ADCY5: variants seen among roughly 807,000 people sequenced by gnomAD.
ADCY5 encodes adenylate cyclase type 5.
Under a neutral mutation model 119.7 loss-of-function variants are expected in ADCY5, and 30 were observed. The observed-to-expected ratio is 0.25, with a 90% CI of 0.19 to 0.34. The LOEUF (loss-of-function observed/expected upper bound fraction) is 0.34. ADCY5 is among the 10% of genes least tolerant of loss of function. ADCY5 has a pLI of 1.00. For synonymous variants in ADCY5, 753 were observed against 762.2 expected (o/e 0.99, Z 0.20); for missense variants, 1,324 against 1,775.2 (o/e 0.75, Z 4.57).
intron 1 of ADCY5, among the ~76,000 whole-genome samples, chr3:123,406,639 A>G (rs1457502958): frequency 6.6e-6 from 1 of 152,102 alleles, no homozygotes; most frequent in Admixed American, 6.5e-5. Flanking sequence ...ACTCAAGGTT[A>G]TTCCCTTTCC....
In ADCY5 at chr3:123,448,131, AGCCGCC is replaced by A; in HGVS notation, c.409_414del (p.Gly137_Gly138del). On this transcript the variant is annotated inframe_deletion, in exon 1 of 21. Coordinates refer to ENST00000462833, the MANE Select transcript of ADCY5 (RefSeq NM_183357.3). ...CCCGCCGAGGCAGCCGCCGCCGCCG[AGCCGCC>A]GCCGCCGCCCGCAGGGGGCGCCCGG... 3.9e-6 allele frequency: 4 copies of A among 1,032,980 alleles called. No homozygotes were observed. The highest frequency in any genetic ancestry group is 4.6e-6 in the Non-Finnish European group (4 of 866,760). The allele number at this position is 1,032,980 out of a possible 1,614,324, so 64.0% of individuals were successfully genotyped here. A position where few individuals can be genotyped will look rare whatever the true frequency, so the allele number is the denominator to read the frequency against.
intron 16 of ADCY5, chr3:123,297,022 A>C: frequency 6.5e-7 from 1 of 1,535,976 alleles, no homozygotes; most frequent in Non-Finnish European, 8.7e-7. Flanking sequence ...ACCAGCTTCC[A>C]TTCTCCTGTG....
rs573085101 is a variant in ADCY5, at chr3:123,365,445, G to A, written c.1135-12864C>T. On this transcript the variant is annotated intron_variant, in intron 1 of 20. Coordinates refer to ENST00000462833, the MANE Select transcript of ADCY5 (RefSeq NM_183357.3). ...AGAGGGCTGTGGAAATAGCACAGACGAGAAGCACCAAGGGCCTGGGAGAGG... is the reference window on the plus strand; with the variant it reads ...AGAGGGCTGTGGAAATAGCACAGACAAGAAGCACCAAGGGCCTGGGAGAGG... Among the ~76,000 whole-genome samples, 5 of 152,322 alleles carry A rather than the reference G, an allele frequency of 3.3e-5. No individual in the cohort carries two copies. In the South Asian group the frequency reaches 8.3e-4, roughly 25 times the overall value.
At chr3:123,365,236 C>T (rs569087388) in intron 1 of ADCY5, among the ~76,000 whole-genome samples, 1 of 152,328 alleles carries the variant, frequency 6.6e-6, no homozygotes, top group South Asian at 2.1e-4. Flanking sequence ...GGATTACAGG[C>T]GTAAGCCACC....
intron 1 of ADCY5, among the ~76,000 whole-genome samples, chr3:123,394,727 T>C (rs1303937805): frequency 6.6e-6 from 1 of 152,176 alleles, no homozygotes. Flanking sequence ...AAACACCCAG[T>C]TGGACCTCTC....
rs1194883171 is a variant in ADCY5 at position 123,300,261 on chromosome 3, G to A, written c.2759C>T (p.Ala920Val). The change falls in exon 15 of 21, where the codon GCC becomes GTC. Residue 920 changes from alanine (A) to valine (V), a missense_variant. By Grantham distance (64) the Ala-to-Val change is moderately conservative. This residue lies in a region of ADCY5 where 424 missense variants were observed against 546.8 expected (regional missense o/e 0.78). Transcript: ENST00000462833. ...GCTGATCTGCAGGAACACGGAGCAGGCCAGCAGGCTGAGCAGCACGCTGTA... is the reference window on the plus strand; with the variant it reads ...GCTGATCTGCAGGAACACGGAGCAGACCAGCAGGCTGAGCAGCACGCTGTA... ...FTYSVLLSLL[A>V]CSVFLQISCI... 6.2e-7 allele frequency: 1 copy of A among 1,613,482 alleles called. No individual in the cohort carries two copies. The highest frequency in any genetic ancestry group is 8.5e-7 in the Non-Finnish European group (1 of 1,180,048).
At chr3:123,314,540 A>G (rs1394947902) in intron 11 of ADCY5, among the ~76,000 whole-genome samples, 1 of 152,170 alleles carries the variant, frequency 6.6e-6, no homozygotes, top group Non-Finnish European at 1.5e-5. Context: ...TAGGGCTTAC[A>G]CGGCCTTGCA....
At chr3:123,333,943 T>C (rs2108419043) in intron 3 of ADCY5, among the ~76,000 whole-genome samples, 1 of 152,280 alleles carries the variant, frequency 6.6e-6, no homozygotes, top group East Asian at 1.9e-4. Flanking sequence ...TCAGCGTCCC[T>C]GGAAGCCCCC....
At chr3:123,329,745 CA>C (rs1181369347) in intron 5 of ADCY5, among the ~76,000 whole-genome samples, 1 of 152,188 alleles carries the variant, frequency 6.6e-6, no homozygotes, top group African/African-American at 2.4e-5. Context: ...CATCCCACGC[CA>C]TCAGCAAGAG....
chr3:123,365,780 G>A (rs1393455537), intron 1 of ADCY5, among the ~76,000 whole-genome samples: 7 of 152,162 alleles, frequency 4.6e-5, no homozygotes, highest in Admixed American at 1.3e-4. Flanking sequence ...ATGAGGGGAC[G>A]GTGAATGAAG....
intron 1 of ADCY5, among the ~76,000 whole-genome samples, chr3:123,430,980 C>T (rs1945512175): frequency 6.6e-6 from 1 of 152,226 alleles, no homozygotes; most frequent in Admixed American, 6.5e-5. Context: ...TTTCCTCACC[C>T]TGCACATCAC....
At chr3:123,377,324 C>G (rs1943871041) in intron 1 of ADCY5, among the ~76,000 whole-genome samples, 1 of 152,198 alleles carries the variant, frequency 6.6e-6, no homozygotes, top group Non-Finnish European at 1.5e-5. Flanking sequence ...GCTCCAGTCC[C>G]TGCTCCATCC....
At chr3:123,445,818 T>C (rs1197410912) in intron 1 of ADCY5, among the ~76,000 whole-genome samples, 2 of 152,116 alleles carry the variant, frequency 1.3e-5, no homozygotes, top group Non-Finnish European at 2.9e-5. Flanking sequence ...TAGGTAAGGG[T>C]GAGAGAATAG....
At chr3:123,300,374 G>C in intron 14 of ADCY5, 79 bp from the exon 15 acceptor site, 1 of 1,497,414 alleles carries the variant, frequency 6.7e-7, no homozygotes, top group Non-Finnish European at 9.1e-7. Context: ...CCTCCAGTCT[G>C]AGCTGGCTCA....
chr3:123,420,597 G>A (rs1419444796), intron 1 of ADCY5, among the ~76,000 whole-genome samples: 1 of 152,152 alleles, frequency 6.6e-6, no homozygotes, highest in Non-Finnish European at 1.5e-5. Flanking sequence ...GATGCCAGAG[G>A]CTTGAGGCCA....
rs576147323 is a variant in ADCY5, at chr3:123,284,475, G to T, written c.*133C>A. The T allele has an allele frequency of 1.6e-4, 221 of 1,398,382 alleles. 1 individual carries two copies. In the East Asian group the frequency reaches 4.9e-3, roughly 31 times the overall value. 86.6% of individuals were successfully genotyped at this position (1,398,382 alleles called of 1,614,324 possible). A position where few individuals can be genotyped will look rare whatever the true frequency, so the allele number is the denominator to read the frequency against. ...ACCAGCAAAGGCAGAAGCTGCTCTG[G>T]AGTCCAAGTGGAAAATCTCAGCAGC... On this transcript the variant is annotated 3_prime_UTR_variant, in exon 21 of 21. Coordinates refer to ENST00000462833, the MANE Select transcript of ADCY5 (RefSeq NM_183357.3).
chr3:123,405,416 A>G (rs1368715619), intron 1 of ADCY5, among the ~76,000 whole-genome samples: 1 of 152,168 alleles, frequency 6.6e-6, no homozygotes, highest in Non-Finnish European at 1.5e-5. Context: ...ATGCTTCCAG[A>G]CCCAGAACAC....
intron 17 of ADCY5, among the ~76,000 whole-genome samples, chr3:123,295,646 C>A (rs1393956677): frequency 6.6e-6 from 1 of 152,216 alleles, no homozygotes; most frequent in Admixed American, 6.5e-5. Flanking sequence ...GTTCCCTACC[C>A]TGGCCAGGTT....
intron 11 of ADCY5, among the ~76,000 whole-genome samples, chr3:123,315,021 C>T (rs774684886): frequency 3.9e-5 from 6 of 152,192 alleles, no homozygotes; most frequent in Non-Finnish European, 7.3e-5. Context: ...ACAGCCACCA[C>T]GGGTGGCCAC....
Sources: allele counts gnomAD v4.1 joint callset (sites outside exome capture counted in the v4.1 genomes callset), GRCh38; gene constraint gnomAD v4.1.1; regional missense constraint gnomAD v4.1.1; transcripts MANE v1.5; gene names NCBI Gene and HGNC (gene_info 2026-07-23, HGNC 2026-07-21).